HMGB1: variants seen among roughly 807,000 people sequenced by gnomAD.
The protein encoded by HMGB1 is high mobility group box 1, also known as high mobility group protein B1.
For synonymous variants in HMGB1, 81 were observed against 84.0 expected, an observed-to-expected ratio of 0.96 and a Z score of 0.19; for missense variants, 79 against 253.5, an observed-to-expected ratio of 0.31 and a Z score of 4.67.
chr13:30,572,000 T>C (rs946839591), intron 1 of HMGB1, among the ~76,000 whole-genome samples: 4 of 152,230 alleles, frequency 2.6e-5, no homozygotes, highest in Non-Finnish European at 4.4e-5. Flanking sequence ...TGTTGATATA[T>C]ACCTGAATAG....
upstream of HMGB1, among the ~76,000 whole-genome samples, chr13:30,466,883 C>A (rs577703509): frequency 2.0e-5 from 3 of 152,212 alleles, no homozygotes; most frequent in African/African-American, 4.8e-5. Flanking sequence ...ATTACTGTTA[C>A]AATCAAACGA....
At chr13:30,461,614 A>T (rs1886341119) in intron 4 of HMGB1, 81 bp from the exon 5 acceptor site, 4 of 1,577,372 alleles carry the variant, frequency 2.5e-6, no homozygotes, top group Non-Finnish European at 3.4e-6. Flanking sequence ...GAACTTTATG[A>T]AAGAAATCAA....
intron 1 of HMGB1, among the ~76,000 whole-genome samples, chr13:30,483,113 C>T (rs190103228): frequency 6.6e-6 from 1 of 151,962 alleles, no homozygotes; most frequent in African/African-American, 2.4e-5. Flanking sequence ...TATTGAGGAG[C>T]AATTGTCCTA....
chr13:30,480,768 C>T (rs1222672797), intron 1 of HMGB1, among the ~76,000 whole-genome samples: 1 of 152,002 alleles, frequency 6.6e-6, no homozygotes, highest in Non-Finnish European at 1.5e-5. Context: ...TCCTCCCCTC[C>T]CCGCCCTTCT....
At chr13:30,493,578 G>T (rs1184110337) in intron 1 of HMGB1, among the ~76,000 whole-genome samples, 1 of 152,150 alleles carries the variant, frequency 6.6e-6, no homozygotes, top group Non-Finnish European at 1.5e-5. Context: ...AGGATCACTT[G>T]AGGCCAGGAG....
intron 1 of HMGB1, among the ~76,000 whole-genome samples, chr13:30,506,392 C>A (rs928022171): frequency 2.0e-5 from 3 of 152,182 alleles, no homozygotes; most frequent in African/African-American, 4.8e-5. Context: ...CCAGACCCAC[C>A]CAAGTGTAGC....
chr13:30,536,736 CATCTTTTTGTTTTCCGGTAGCTAGTAATT>C (rs1868457898), intron 1 of HMGB1, among the ~76,000 whole-genome samples: 1 of 152,198 alleles, frequency 6.6e-6, no homozygotes, highest in Non-Finnish European at 1.5e-5. Flanking sequence ...CCTTTCTTGA[CATCTTTTTGTTTTCCGGTAGCTAGTAATT>C]ATCTTTTTTG....
At chr13:30,577,256 C>T (rs1202347333) in intron 1 of HMGB1, among the ~76,000 whole-genome samples, 1 of 150,774 alleles carries the variant, frequency 6.6e-6, no homozygotes. Context: ...AGGAGGATGG[C>T]TTGAGCCCAG....
chr13:30,544,989 T>C (rs1276692570), intron 1 of HMGB1, among the ~76,000 whole-genome samples: 1 of 152,222 alleles, frequency 6.6e-6, no homozygotes, highest in Admixed American at 6.5e-5. Flanking sequence ...ATCTTTTATA[T>C]AGCCTCTGAT....
intron 1 of HMGB1, among the ~76,000 whole-genome samples, chr13:30,578,027 T>C (rs1870733701): frequency 6.6e-6 from 1 of 152,002 alleles, no homozygotes. Flanking sequence ...TTCGTGTCAC[T>C]CCTCATCCAC....
At chr13:30,616,686 T>C (rs955834082) in exon 1 of HMGB1, 1 of 152,214 alleles carries the variant, frequency 6.6e-6, no homozygotes, top group Non-Finnish European at 1.5e-5. Flanking sequence ...TATTTTTGTC[T>C]GGAGAAACCC....
intron 1 of HMGB1, among the ~76,000 whole-genome samples, chr13:30,499,104 T>A (rs1357202762): frequency 1.3e-5 from 2 of 151,940 alleles, no homozygotes; most frequent in African/African-American, 4.8e-5. Flanking sequence ...AGGTGTGCAC[T>A]ACCATGCCCA....
intron 1 of HMGB1, among the ~76,000 whole-genome samples, chr13:30,471,998 C>T (rs1886956136): frequency 6.6e-6 from 1 of 150,980 alleles, no homozygotes; most frequent in Non-Finnish European, 1.5e-5. Flanking sequence ...TAAAAGGTGA[C>T]CAGGTGTGGT....
chr13:30,520,862 T>C (rs952644892), intron 1 of HMGB1, among the ~76,000 whole-genome samples: 2 of 152,196 alleles, frequency 1.3e-5, no homozygotes. Flanking sequence ...TTGAAGATTA[T>C]TGGCAAGCAC....
rs563927855 is a variant in HMGB1 at position 30,478,536 on chromosome 13, T to C, written c.-14-14842A>G. On this transcript the variant is annotated intron_variant, in intron 1 of 4. Coordinates refer to the HMGB1 transcript ENST00000405805. ...ATGCCTTGCAAAAATATACACAATA[T>C]CTTGTGAGAAAAACTATTTTCAGAA... 6.6e-5 allele frequency among the ~76,000 whole-genome samples: 10 copies of C among 152,246 alleles called. No individual in the cohort carries two copies. In the East Asian group the frequency reaches 1.7e-3, roughly 26 times the overall value.
chr13:30,577,705 C>A (rs1870719570), intron 1 of HMGB1, among the ~76,000 whole-genome samples: 1 of 152,208 alleles, frequency 6.6e-6, no homozygotes, highest in Non-Finnish European at 1.5e-5. Flanking sequence ...CAGTAACCTC[C>A]CTGTGAAATG....
chr13:30,568,901 G>C (rs944903802), intron 1 of HMGB1, among the ~76,000 whole-genome samples: 5 of 152,170 alleles, frequency 3.3e-5, no homozygotes, highest in African/African-American at 1.2e-4. Flanking sequence ...ATAGGGCCAG[G>C]CGTGGTGGCT....
Position 30,463,919 on chromosome 13 carries a change from A to G in HMGB1, c.-14-225T>C, listed in dbSNP as rs73451922. The G allele has an allele frequency of 5.3e-3, 2,465 of 461,118 alleles. 56 individuals are homozygous for G. Among genetic ancestry groups the G allele is most frequent in the African/African-American group, 0.044 (2,191 of 49,476 alleles). The allele number at this position is 461,118 out of a possible 1,614,324, so 28.6% of individuals were successfully genotyped here. On this transcript the variant is annotated intron_variant, in intron 1 of 4. Coordinates refer to ENST00000341423, the MANE Select transcript of HMGB1 (RefSeq NM_002128.7). ...AAACAGTCCTTCAGGGCGATCTCAA[A>G]AAGTCTAGACACAAAGATATACCCA...
intron 1 of HMGB1, among the ~76,000 whole-genome samples, chr13:30,532,167 C>T (rs140809047): frequency 2.0e-3 from 298 of 151,756 alleles, no homozygotes; most frequent in African/African-American, 6.7e-3. Flanking sequence ...TGAAACCCGT[C>T]TCTACTAAAA....
Sources: allele counts gnomAD v4.1 joint callset (sites outside exome capture counted in the v4.1 genomes callset), GRCh38; gene constraint gnomAD v4.1.1; transcripts MANE v1.5; gene names NCBI Gene and HGNC (gene_info 2026-07-23, HGNC 2026-07-21).